LIPG: variants seen among roughly 807,000 people sequenced by gnomAD.
LIPG encodes endothelial lipase.
Under a neutral mutation model 51.8 loss-of-function variants are expected in LIPG, and 34 were observed. The ratio of observed to expected loss-of-function variants is 0.66; its 90% CI spans 0.50 to 0.87. The LOEUF is 0.87. Among genes scored for constraint, LIPG ranks in the 40% least tolerant of loss-of-function variants. The pLI is 0.00. For missense variants in LIPG, 580 were observed against 652.7 expected, an observed-to-expected ratio of 0.89 and a Z score of 1.21; for synonymous variants, 246 against 246.1, an observed-to-expected ratio of 1.00 and a Z score of 0.00.
intron 5 of LIPG, among the ~76,000 whole-genome samples, chr18:49,580,555 A>C (rs1388603578): frequency 6.6e-6 from 1 of 152,114 alleles, no homozygotes; most frequent in Non-Finnish European, 1.5e-5. Context: ...AGGCAGGAGG[A>C]CTGCTTGGGC....
Position 49,575,414 on chromosome 18 carries a change from A to G in LIPG, c.617A>G (p.Lys206Arg), listed in dbSNP as rs1269843729. The G allele has an allele frequency of 6.2e-7, 1 of 1,613,764 alleles. No homozygotes were observed. Among genetic ancestry groups the G allele is most frequent in the Admixed American group, 1.7e-5 (1 of 60,016 alleles). ...ATGTTTGAAGGGGCCGACATCCACAAGAGGCTCTCTCCGGACGATGCAGAT... is the reference window on the plus strand; with the variant it reads ...ATGTTTGAAGGGGCCGACATCCACAGGAGGCTCTCTCCGGACGATGCAGAT... ...GPMFEGADIHKRLSPDDADFV... is the reference protein window; with the variant it reads ...GPMFEGADIHRRLSPDDADFV... Residue 206 changes from lysine (K) to arginine (R), a missense_variant, in exon 5 of 10, where the codon AAG becomes AGG. Physicochemically the swap from Lys to Arg is conservative, Grantham distance 26 (BLOSUM62 2). Coordinates refer to ENST00000261292, the MANE Select transcript of LIPG (RefSeq NM_006033.4).
rs752566804 is a variant in LIPG at position 49,597,529 on chromosome 18, T to G, written c.*7007T>G. 7.2e-5 allele frequency: 11 copies of G among 152,224 alleles called. No homozygotes were observed. The highest frequency in any genetic ancestry group is 1.5e-4 in the Non-Finnish European group (10 of 68,040). The allele number at this position is 152,224 out of a possible 1,614,324, so 9.4% of individuals were successfully genotyped here. On this transcript the variant is annotated 3_prime_UTR_variant, in exon 10 of 10. Transcript: ENST00000261292. ...TCAAGTCATTTGTTTTCCTAAACCT[T>G]TGTGGTTATCCATACCATTTAACCT...
chr18:49,563,327 G>T (rs929305141), intron 1 of LIPG, among the ~76,000 whole-genome samples: 2 of 152,048 alleles, frequency 1.3e-5, no homozygotes, highest in South Asian at 4.1e-4. Flanking sequence ...CATTGCCTAG[G>T]GCAGGTCTCA....
At chr18:49,586,481 G>T (rs1206847897) in intron 8 of LIPG, among the ~76,000 whole-genome samples, 1 of 151,614 alleles carries the variant, frequency 6.6e-6, no homozygotes, top group Non-Finnish European at 1.5e-5. Flanking sequence ...ATGGCCTTGA[G>T]AGGCAGGTGG....
At chr18:49,572,057 C>T (rs1014604398) in intron 4 of LIPG, among the ~76,000 whole-genome samples, 2 of 152,214 alleles carry the variant, frequency 1.3e-5, no homozygotes, top group African/African-American at 4.8e-5. Context: ...CAGTGGCTCA[C>T]GCCTGTAACC....
rs1600575047 is a variant in LIPG at position 49,592,832 on chromosome 18, G to A, written c.*2310G>A. 6.6e-6 allele frequency: 1 copy of A among 150,682 alleles called. No homozygotes were observed. The highest frequency in any genetic ancestry group is 1.5e-5 in the Non-Finnish European group (1 of 67,858). The allele number at this position is 150,682 out of a possible 1,614,324, so 9.3% of individuals were successfully genotyped here. ...TAATGTATATAAAAAAATATGGTTA[G>A]TGTTTACCTAAGGTTAACCAATTTC... On this transcript the variant is annotated 3_prime_UTR_variant, in exon 10 of 10. Transcript: ENST00000261292.
At chr18:49,579,534 G>T (rs2084791149) in intron 5 of LIPG, among the ~76,000 whole-genome samples, 1 of 151,844 alleles carries the variant, frequency 6.6e-6, no homozygotes, top group Non-Finnish European at 1.5e-5. Flanking sequence ...TTTTGGGGGG[G>T]TTTCTTATCC....
intron 2 of LIPG, among the ~76,000 whole-genome samples, chr18:49,566,235 G>C (rs2084605425): frequency 6.6e-6 from 1 of 152,166 alleles, no homozygotes; most frequent in Non-Finnish European, 1.5e-5. Flanking sequence ...CCATGGTTGA[G>C]GTCAGGGGCA....
chr18:49,561,967 C>T, upstream of LIPG: 4 of 1,387,712 alleles, frequency 2.9e-6, no homozygotes, highest in Non-Finnish European at 2.8e-6. Context: ...AATCAGAGCC[C>T]AGAGACGGGA....
At chr18:49,582,155 A>G (rs1045076279) in intron 6 of LIPG, among the ~76,000 whole-genome samples, 2 of 152,108 alleles carry the variant, frequency 1.3e-5, no homozygotes, top group African/African-American at 4.8e-5. Context: ...TCCTCAAAAG[A>G]TCTAACTCCC....
upstream of LIPG, chr18:49,561,991 A>C: frequency 1.4e-6 from 2 of 1,402,636 alleles, no homozygotes; most frequent in South Asian, 3.4e-5. Flanking sequence ...AATTATGCAA[A>C]TCACCATCTG....
intron 4 of LIPG, among the ~76,000 whole-genome samples, chr18:49,570,377 ACAATTAATGGTAAATTTGTTGCC>A (rs1370284112): frequency 6.6e-6 from 1 of 152,296 alleles, no homozygotes; most frequent in East Asian, 1.9e-4. Context: ...CCTCTATGCT[ACAATTAATGGTAAATTTGTTGCC>A]CTGAACTTCT....
In LIPG at chr18:49,595,413, G is replaced by C. The variant is rs1223672398; in HGVS notation, c.*4891G>C. ...ATACAGCCTTTCTGAGTCTCTATCT[G>C]CTCATTTAAGAAACAGAGACAATAC... On this transcript the variant is annotated 3_prime_UTR_variant, in exon 10 of 10. Coordinates refer to ENST00000261292, the MANE Select transcript of LIPG (RefSeq NM_006033.4). 2.0e-5 allele frequency: 3 copies of C among 152,176 alleles called. No individual in the cohort carries two copies. Among genetic ancestry groups the C allele is most frequent in the African/African-American group, 7.2e-5 (3 of 41,448 alleles). 9.4% of individuals were successfully genotyped at this position (152,176 alleles called of 1,614,324 possible).
intron 9 of LIPG, chr18:49,590,128 A>G (rs1006132203): frequency 2.7e-6 from 1 of 375,350 alleles, no homozygotes; most frequent in East Asian, 6.3e-5. Flanking sequence ...AGATCAAGGC[A>G]AAGAGGACAC....
rs530442395 is a variant in LIPG, at chr18:49,593,383, A to G, written c.*2861A>G. ...ACTAAAGAACCAGAACAAGAACATC[A>G]TTTCACTGAAGACGAGAAGAAAAAT... On this transcript the variant is annotated 3_prime_UTR_variant, in exon 10 of 10. Transcript: ENST00000261292. The G allele has an allele frequency of 1.6e-3, 239 of 152,340 alleles. 1 individual carries two copies. Among genetic ancestry groups the G allele is most frequent in the African/African-American group, 5.5e-3 (227 of 41,572 alleles). The allele number at this position is 152,340 out of a possible 1,614,324, so 9.4% of individuals were successfully genotyped here. A position where few individuals can be genotyped will look rare whatever the true frequency, so the allele number is the denominator to read the frequency against.
rs192969663 is a variant in LIPG, at chr18:49,582,494, G to A, written c.1157+12G>A. ...CTGCCACTGGAAATGTAAGTCATCC[G>A]TTTCCCTTGCTGGGTTCGGGACAGA... On this transcript the variant is annotated intron_variant, in intron 7 of 9. Coordinates refer to ENST00000261292, the MANE Select transcript of LIPG (RefSeq NM_006033.4). 7.1e-5 allele frequency: 115 copies of A among 1,614,176 alleles called. No individual in the cohort carries two copies. In the East Asian group the frequency reaches 1.8e-3, roughly 26 times the overall value.
intron 5 of LIPG, 99 bp downstream of exon 5, chr18:49,575,689 A>T (rs2084708708): frequency 9.5e-6 from 9 of 948,030 alleles, no homozygotes; most frequent in South Asian, 1.4e-5. Flanking sequence ...TTTATTCATT[A>T]TTCTCACCTC....
intron 4 of LIPG, among the ~76,000 whole-genome samples, chr18:49,572,277 G>A (rs565887148): frequency 2.6e-5 from 4 of 152,200 alleles, no homozygotes; most frequent in South Asian, 4.2e-4. Flanking sequence ...CTGAGATTGC[G>A]CCACTGCACT....
chr18:49,577,669 G>A (rs1418400810), intron 5 of LIPG, among the ~76,000 whole-genome samples: 5 of 108,190 alleles, frequency 4.6e-5, no homozygotes, highest in East Asian at 2.3e-4. Flanking sequence ...CCTCCCTCCC[G>A]GACGGCACGG....
Sources: gnomAD v4.1 joint callset for allele counts (sites outside exome capture counted in the v4.1 genomes callset) on GRCh38, gnomAD v4.1.1 for gene constraint, MANE v1.5 for transcripts, NCBI Gene and HGNC (gene_info 2026-07-23, HGNC 2026-07-21) for gene names.